ATM: variants seen among roughly 807,000 people sequenced by gnomAD.
The protein encoded by ATM is serine-protein kinase ATM.
ATM carries 308 observed loss-of-function variants against 387.0 expected under a neutral mutation model. That is an observed-to-expected ratio of 0.80 (90% CI 0.73 to 0.87). The LOEUF is 0.87. ATM is among the 40% of genes least tolerant of loss of function. The probability of loss-of-function intolerance (pLI) is 0.00; values close to 1 mark genes in which losing one functional copy is unlikely to be tolerated. For missense variants in ATM, 3,312 were observed against 3,560.9 expected (o/e 0.93, Z 1.78); for synonymous variants, 1,156 against 1,187.3 (o/e 0.97, Z 0.54).
chr11:108,362,744 A>T (rs2137751226), intron 61 of ATM, among the ~76,000 whole-genome samples: 1 of 145,082 alleles, frequency 6.9e-6, no homozygotes, highest in Non-Finnish European at 1.5e-5. Context: ...GTGGGAATTG[A>T]ACAATGAGAA....
In ATM at chr11:108,317,716, A is replaced by G. The variant is rs1183690503; in HGVS notation, c.6347+195A>G. Among the ~76,000 whole-genome samples the G allele has an allele frequency of 3.4e-5, 5 of 147,276 alleles. No homozygotes were observed. In the Admixed American group the frequency reaches 3.4e-4, roughly 10 times the overall value. On this transcript the variant is annotated intron_variant, in intron 43 of 62. Transcript: ENST00000675843. ...CCATATATATAGTGTGTATGTGTGT[A>G]TATATATATAAAAAAATATATAGTA...
At position 108,345,385 on chromosome 11, in the gene ATM, T is replaced by C. The variant is rs1263547277; in HGVS notation, c.8419-358T>C. ...GAGGGATTCTTCTGTTCTTTCTCTT[T>C]TCCTGTTTTCTATTGCAACCCAATG... On this transcript the variant is annotated intron_variant, in intron 57 of 62. Transcript: ENST00000675843. Among the ~76,000 whole-genome samples the C allele has an allele frequency of 2.6e-5, 4 of 152,210 alleles. No individual in the cohort carries two copies. The East Asian group carries it at 5.8e-4, about 22-fold the overall frequency.
chr11:108,237,420 T>C (rs1489993626), intron 5 of ATM, among the ~76,000 whole-genome samples: 1 of 152,242 alleles, frequency 6.6e-6, no homozygotes, highest in South Asian at 2.1e-4. Context: ...GTCATCTAGT[T>C]TGTTCTCTGA....
chr11:108,273,267 G>T (rs1202030597), intron 22 of ATM, among the ~76,000 whole-genome samples: 1 of 151,128 alleles, frequency 6.6e-6, no homozygotes, highest in Non-Finnish European at 1.5e-5. Context: ...TGAAGCACTG[G>T]AAGGATTCTA....
chr11:108,326,017 G>T (rs766790269), intron 46 of ATM, 41 bp from the exon 47 acceptor site: 1 of 1,597,106 alleles, frequency 6.3e-7, no homozygotes, highest in Admixed American at 1.7e-5. Context: ...AGTAGTATCA[G>T]TAGTAAAAGT....
intron 5 of ATM, among the ~76,000 whole-genome samples, chr11:108,237,324 A>T (rs2079327734): frequency 6.6e-6 from 1 of 152,244 alleles, no homozygotes; most frequent in South Asian, 2.1e-4. Context: ...GGCTGGTCAT[A>T]TTTAGGTCAT....
At chr11:108,285,807 T>G (rs961979098) in intron 26 of ATM, among the ~76,000 whole-genome samples, 1 of 152,166 alleles carries the variant, frequency 6.6e-6, no homozygotes. Context: ...TTGAGAGAGA[T>G]ACTCAGCCTC....
chr11:108,256,712 C>T (rs371165796), intron 14 of ATM, among the ~76,000 whole-genome samples: 1 of 152,242 alleles, frequency 6.6e-6, no homozygotes, highest in Non-Finnish European at 1.5e-5. Flanking sequence ...GTTCCCCTCC[C>T]TGTGTCCATG....
intron 24 of ATM, among the ~76,000 whole-genome samples, chr11:108,282,027 G>GTGA (rs1240278810): frequency 6.6e-6 from 1 of 152,112 alleles, no homozygotes; most frequent in East Asian, 1.9e-4. Flanking sequence ...GTGCGGTGAT[G>GTGA]TGATCATGGC....
Position 108,332,047 on chromosome 11 carries a change from T to C in ATM, c.7788+10T>C, listed in dbSNP as rs1555124759. 2 of 1,613,344 alleles carry C rather than the reference T, an allele frequency of 1.2e-6. No individual in the cohort carries two copies. Among genetic ancestry groups the C allele is most frequent in the Non-Finnish European group, 1.7e-6 (2 of 1,179,522 alleles). On this transcript the variant is annotated intron_variant, in intron 52 of 62. Coordinates refer to ENST00000675843, the MANE Select transcript of ATM (RefSeq NM_000051.4). ...CTCTCAGCTTGATGAGGTATTTGGA[T>C]TAAACATACGTACCTTTTAGAAGTG...
chr11:108,260,366 A>G (rs532806573), intron 16 of ATM, among the ~76,000 whole-genome samples: 1 of 152,220 alleles, frequency 6.6e-6, no homozygotes, highest in Admixed American at 6.5e-5. Flanking sequence ...TTAACATTTT[A>G]AGTGGTTTCT....
intron 28 of ATM, 130 bp downstream of exon 28, chr11:108,289,233 T>G (rs2082655578): frequency 1.0e-6 from 1 of 970,042 alleles, no homozygotes; most frequent in Non-Finnish European, 1.5e-6. Context: ...AGGAAAACAT[T>G]CATTTACAAG....
intron 18 of ATM, among the ~76,000 whole-genome samples, chr11:108,269,447 C>G (rs1388485876): frequency 6.6e-6 from 1 of 152,132 alleles, no homozygotes; most frequent in Non-Finnish European, 1.5e-5. Flanking sequence ...TCTTCAAATC[C>G]AAGCCAACAT....
chr11:108,248,563 CT>C (rs1374120714), intron 8 of ATM, among the ~76,000 whole-genome samples: 4 of 151,998 alleles, frequency 2.6e-5, no homozygotes, highest in South Asian at 4.2e-4. Flanking sequence ...TTTTTTCCCC[CT>C]AATGAAATAT....
At position 108,345,889 on chromosome 11, in the gene ATM, T is replaced by G. The variant is rs780905851; in HGVS notation, c.8565T>G (p.Ser2855Arg). ...AGAAGCGATTGGCTTATACGCGCAG[T>G]GTAGCTACTTCTTCTATTGGTAATC... is the stretch of plus-strand genomic sequence containing the variant. Reference protein sequence around the residue: ...WFEKRLAYTRSVATSSIVGYI... With the variant: ...WFEKRLAYTRRVATSSIVGYI... The change falls in exon 58 of 63, where the codon AGT (serine) becomes AGG (arginine). Residue 2855 changes from serine (S) to arginine (R), a missense_variant. Coordinates refer to ENST00000675843, the MANE Select transcript of ATM (RefSeq NM_000051.4). The G allele has an allele frequency of 1.9e-6, 3 of 1,613,776 alleles. No individual in the cohort carries two copies. Among genetic ancestry groups the G allele is most frequent in the South Asian group, 1.1e-5 (1 of 91,072 alleles).
intron 59 of ATM, among the ~76,000 whole-genome samples, chr11:108,352,386 T>A (rs940546303): frequency 2.0e-5 from 3 of 151,924 alleles, no homozygotes; most frequent in Admixed American, 2.0e-4. Context: ...GTAAATAAAA[T>A]AAAAAATTTC....
At chr11:108,323,502 T>A (rs998411894) in intron 45 of ATM, among the ~76,000 whole-genome samples, 1 of 152,174 alleles carries the variant, frequency 6.6e-6, no homozygotes, top group African/African-American at 2.4e-5. Flanking sequence ...ATAGGGCAAC[T>A]GTAGTTAACA....
At chr11:108,235,987 A>G in intron 5 of ATM, 153 bp downstream of exon 5, 1 of 776,546 alleles carries the variant, frequency 1.3e-6, no homozygotes, top group South Asian at 1.6e-5. Flanking sequence ...ACTGACCCTT[A>G]ATTTTTATTT....
At chr11:108,291,140 G>T (rs1368630744) in intron 29 of ATM, among the ~76,000 whole-genome samples, 1 of 152,126 alleles carries the variant, frequency 6.6e-6, no homozygotes, top group African/African-American at 2.4e-5. Flanking sequence ...GGAGGCTGAG[G>T]CAGGAAAATG....
Sources: allele counts gnomAD v4.1 joint callset (sites outside exome capture counted in the v4.1 genomes callset), GRCh38; gene constraint gnomAD v4.1.1; transcripts MANE v1.5; gene names NCBI Gene and HGNC (gene_info 2026-07-23, HGNC 2026-07-21).